The following STAC variants were observed in gnomAD, a reference collection of about 807,000 sequenced individuals.
STAC encodes the protein SH3 and cysteine rich domain, also known as SH3 and cysteine-rich domain-containing protein.
Under a neutral mutation model 48.8 loss-of-function variants are expected in STAC, and 43 were observed. The ratio of observed to expected loss-of-function variants is 0.88; its 90% CI spans 0.69 to 1.14. STAC has a LOEUF of 1.14. Among genes scored for constraint, STAC ranks in the 50% most tolerant of loss-of-function variants. The probability of loss-of-function intolerance (pLI) is 0.00; values close to 1 mark genes in which losing one functional copy is unlikely to be tolerated. For synonymous variants in STAC, 193 were observed against 179.5 expected (o/e 1.07, Z -0.60); for missense variants, 497 against 504.0 (o/e 0.99, Z 0.13).
intron 2 of STAC, among the ~76,000 whole-genome samples, chr3:36,448,275 G>A (rs997165802): frequency 6.6e-6 from 1 of 151,884 alleles, no homozygotes; most frequent in Non-Finnish European, 1.5e-5. Flanking sequence ...AGGCTGGAGT[G>A]CAATGGTGCA....
At chr3:36,470,282 T>C (rs919406772) in intron 2 of STAC, among the ~76,000 whole-genome samples, 28 of 152,236 alleles carry the variant, frequency 1.8e-4, no homozygotes, top group African/African-American at 6.5e-4. Flanking sequence ...TATTCTCCTG[T>C]TTCCCCTAGG....
At chr3:36,470,980 G>A (rs181506928) in intron 2 of STAC, among the ~76,000 whole-genome samples, 5 of 152,274 alleles carry the variant, frequency 3.3e-5, no homozygotes, top group Non-Finnish European at 7.4e-5. Flanking sequence ...ATATAAGGGA[G>A]GAATTTGGAA....
chr3:36,412,970 T>C (rs1355620165), intron 1 of STAC, among the ~76,000 whole-genome samples: 1 of 152,186 alleles, frequency 6.6e-6, no homozygotes, highest in Non-Finnish European at 1.5e-5. Flanking sequence ...TCAGTTTCCA[T>C]GTAGTTGAGC....
At chr3:36,446,480 G>C (rs1193445717) in intron 2 of STAC, among the ~76,000 whole-genome samples, 1 of 152,190 alleles carries the variant, frequency 6.6e-6, no homozygotes, top group Non-Finnish European at 1.5e-5. Context: ...TTGACAATCA[G>C]TTAGGGGTGG....
chr3:36,461,722 G>A lies in STAC; in HGVS notation c.388+18082G>A, dbSNP rs1257987375. Reference sequence around the variant, plus strand: ...TTTTGCAGAAAATGAAGGAACTCCTGGGAAGAAGCATTCCAAGTGAATGAA... The same window carrying A: ...TTTTGCAGAAAATGAAGGAACTCCTAGGAAGAAGCATTCCAAGTGAATGAA... On this transcript the variant is annotated intron_variant, in intron 2 of 10. Transcript: ENST00000273183. 2.6e-5 allele frequency among the ~76,000 whole-genome samples: 4 copies of A among 152,102 alleles called. No individual in the cohort carries two copies. In the South Asian group the frequency reaches 6.2e-4, roughly 24 times the overall value.
At chr3:36,383,361 T>C (rs1218086679) in intron 1 of STAC, among the ~76,000 whole-genome samples, 1 of 152,174 alleles carries the variant, frequency 6.6e-6, no homozygotes, top group Admixed American at 6.5e-5. Context: ...AATTTTAATA[T>C]ACACAAAAGT....
intron 8 of STAC, among the ~76,000 whole-genome samples, chr3:36,510,967 T>TTA (rs763356346): frequency 0.014 from 2,135 of 149,980 alleles, 34 homozygotes; most frequent in African/African-American, 0.04. Flanking sequence ...TAAAATATAT[T>TTA]TATATATATA....
intron 1 of STAC, among the ~76,000 whole-genome samples, chr3:36,397,667 T>C (rs1699881198): frequency 6.6e-6 from 1 of 152,212 alleles, no homozygotes; most frequent in Non-Finnish European, 1.5e-5. Context: ...CTCAGACTAC[T>C]GAAGCCTCCA....
chr3:36,460,551 G>T (rs2125683148), intron 2 of STAC, among the ~76,000 whole-genome samples: 1 of 152,210 alleles, frequency 6.6e-6, no homozygotes, highest in Middle Eastern at 3.4e-3. Flanking sequence ...GATATTTATG[G>T]TTGTTACAAC....
chr3:36,462,057 T>C (rs1170924126), intron 2 of STAC, among the ~76,000 whole-genome samples: 1 of 151,946 alleles, frequency 6.6e-6, no homozygotes, highest in African/African-American at 2.4e-5. Context: ...AGGTAAGAGA[T>C]AAAGGTACAG....
chr3:36,416,571 T>C (rs899407299), intron 1 of STAC, among the ~76,000 whole-genome samples: 1 of 152,238 alleles, frequency 6.6e-6, no homozygotes, highest in Non-Finnish European at 1.5e-5. Flanking sequence ...TTGGGCTCTT[T>C]ATATCAAGTC....
chr3:36,485,772 A>G (rs1165117906), intron 4 of STAC: 1 of 160,600 alleles, frequency 6.2e-6, no homozygotes, highest in Non-Finnish European at 1.4e-5. Flanking sequence ...GTTGCCTCCT[A>G]CTGCAAACTT....
intron 6 of STAC, among the ~76,000 whole-genome samples, chr3:36,499,197 C>T (rs576090765): frequency 3.9e-5 from 6 of 152,066 alleles, no homozygotes; most frequent in South Asian, 2.1e-4. Flanking sequence ...AATGGAAAGA[C>T]GGAAATGTAA....
rs1489657120 is a variant in STAC, at chr3:36,409,522, G to A, written c.111+28768G>A. ...CCCAGCCCTATGGATGACGTGAACTGAGTGGTTCTTGACCCAGAAAACCAA... is the reference window on the plus strand; with the variant it reads ...CCCAGCCCTATGGATGACGTGAACTAAGTGGTTCTTGACCCAGAAAACCAA... On this transcript the variant is annotated intron_variant, in intron 1 of 10. Coordinates refer to ENST00000273183, the MANE Select transcript of STAC (RefSeq NM_003149.3). 33 of 152,172 alleles carry A rather than the reference G, an allele frequency of 2.2e-4. 1 individual carries two copies. The highest frequency in any genetic ancestry group is 2.2e-3 in the Admixed American group (33 of 15,278). The allele number at this position is 152,172 out of a possible 1,614,324, so 9.4% of individuals were successfully genotyped here.
intron 1 of STAC, among the ~76,000 whole-genome samples, chr3:36,390,173 G>A (rs1382520093): frequency 6.6e-6 from 1 of 152,016 alleles, no homozygotes; most frequent in African/African-American, 2.4e-5. Flanking sequence ...CACTCTAGAA[G>A]CCACCAAAAG....
intron 1 of STAC, among the ~76,000 whole-genome samples, chr3:36,384,179 CT>C (rs1699569492): frequency 6.6e-6 from 1 of 152,110 alleles, no homozygotes; most frequent in Non-Finnish European, 1.5e-5. Context: ...CAATGAATAT[CT>C]TTTCTCCTAC....
intron 2 of STAC, among the ~76,000 whole-genome samples, chr3:36,480,301 G>A (rs1456828794): frequency 2.0e-5 from 3 of 152,166 alleles, no homozygotes; most frequent in South Asian, 2.1e-4. Context: ...ACTTTTCAAT[G>A]AGTATTTATA....
intron 8 of STAC, among the ~76,000 whole-genome samples, chr3:36,517,887 A>G (rs1310876072): frequency 6.6e-6 from 1 of 152,044 alleles, no homozygotes; most frequent in Non-Finnish European, 1.5e-5. Flanking sequence ...ACATGCACAT[A>G]CACACACACT....
intron 5 of STAC, 57 bp from the exon 6 acceptor site, chr3:36,493,094 T>C: frequency 2.0e-6 from 3 of 1,532,802 alleles, no homozygotes; most frequent in Non-Finnish European, 1.8e-6. Flanking sequence ...AAGTATCTGC[T>C]CAATTGACCA....
Sources: gnomAD v4.1 joint callset for allele counts (sites outside exome capture counted in the v4.1 genomes callset) on GRCh38, gnomAD v4.1.1 for gene constraint, MANE v1.5 for transcripts, NCBI Gene and HGNC (gene_info 2026-07-23, HGNC 2026-07-21) for gene names.